FAT3: variants seen among roughly 807,000 people sequenced by gnomAD.
The protein encoded by FAT3 is FAT atypical cadherin 3, also known as protocadherin Fat 3.
In FAT3, 95 loss-of-function variants were observed where a neutral mutation model predicts 310.2. The ratio of observed to expected loss-of-function variants is 0.31; its 90% CI spans 0.26 to 0.36. The LOEUF (loss-of-function observed/expected upper bound fraction) is 0.36, where lower values mean the gene tolerates loss of function less well. FAT3 is among the 10% of genes least tolerant of loss of function. The probability of loss-of-function intolerance (pLI) is 1.00; values close to 1 mark genes in which losing one functional copy is unlikely to be tolerated. For synonymous variants in FAT3, 2,314 were observed against 2,192.9 expected, an observed-to-expected ratio of 1.06 and a Z score of -1.54; for missense variants, 5,408 against 5,715.6, an observed-to-expected ratio of 0.95 and a Z score of 1.74.
At chr11:92,720,624 T>A (rs1165393508) in intron 4 of FAT3, among the ~76,000 whole-genome samples, 1 of 152,212 alleles carries the variant, frequency 6.6e-6, no homozygotes, top group Admixed American at 6.5e-5. Context: ...TTTCTAACAC[T>A]TTTAGAAATG....
At chr11:92,694,510 C>T (rs1943883728) in intron 3 of FAT3, among the ~76,000 whole-genome samples, 1 of 152,134 alleles carries the variant, frequency 6.6e-6, no homozygotes, top group African/African-American at 2.4e-5. Flanking sequence ...GTGAAGGGGA[C>T]CCTGCAGCTC....
chr11:92,635,021 G>C (rs575998967), intron 3 of FAT3, among the ~76,000 whole-genome samples: 1 of 152,122 alleles, frequency 6.6e-6, no homozygotes, highest in Non-Finnish European at 1.5e-5. Context: ...ATTAGAAACT[G>C]GCCATGCTGA....
intron 2 of FAT3, among the ~76,000 whole-genome samples, chr11:92,523,632 T>G (rs1428592564): frequency 3.9e-5 from 6 of 152,158 alleles, no homozygotes; most frequent in African/African-American, 1.4e-4. Flanking sequence ...TCTTGACTCT[T>G]TTCACAATGT....
At chr11:92,573,799 C>T (rs1938318313) in intron 3 of FAT3, among the ~76,000 whole-genome samples, 1 of 152,070 alleles carries the variant, frequency 6.6e-6, no homozygotes, top group African/African-American at 2.4e-5. Context: ...ACCAAACCTG[C>T]CAACACCTTG....
intron 7 of FAT3, among the ~76,000 whole-genome samples, chr11:92,788,234 A>G (rs1002150350): frequency 2.0e-5 from 3 of 152,188 alleles, no homozygotes; most frequent in African/African-American, 7.2e-5. Flanking sequence ...ACTAACTGGA[A>G]GAGGCTCCTA....
chr11:92,646,843 T>A (rs1195671278), intron 3 of FAT3, among the ~76,000 whole-genome samples: 1 of 152,198 alleles, frequency 6.6e-6, no homozygotes, highest in Admixed American at 6.5e-5. Context: ...ACATTAGTGA[T>A]AAAAGGACAT....
Position 92,352,335 on chromosome 11 carries a change from CT to C in FAT3, c.224del (p.Leu75HisfsTer9), listed in dbSNP as rs1364953580. 1 of 1,574,448 alleles carries C rather than the reference CT, an allele frequency of 6.4e-7. No homozygotes were observed. The highest frequency in any genetic ancestry group is 1.3e-5 in the African/African-American group (1 of 74,152). On this transcript the variant is annotated frameshift_variant, in exon 2 of 28. Transcript: ENST00000525166. LOFTEE classifies it high-confidence loss of function. The stretch of plus-strand genomic sequence containing the variant: ...TAGAATGGGCATCACCTTAATAGAT[CT>C]ATCCTGGGATATCAAATACAGAATA... ...QSRMGITLID[L>X]SWDIKYRIVS...
chr11:92,738,971 C>G (rs1230607443), intron 4 of FAT3, among the ~76,000 whole-genome samples: 1 of 152,142 alleles, frequency 6.6e-6, no homozygotes, highest in Non-Finnish European at 1.5e-5. Flanking sequence ...ACTGAAGACT[C>G]AGAACATGAT....
Position 92,891,018 on chromosome 11 carries a change from G to A in FAT3, c.13675G>A (p.Glu4559Lys), listed in dbSNP as rs767927503. 2.0e-5 allele frequency: 33 copies of A among 1,613,728 alleles called. No homozygotes were observed. Among genetic ancestry groups the A allele is most frequent in the African/African-American group, 1.5e-4 (11 of 74,902 alleles). The change falls in exon 28 of 28, where the codon GAA (glutamate) becomes AAA (lysine). Residue 4559 changes from glutamate to lysine, a missense_variant. Coordinates refer to ENST00000525166, the MANE Select transcript of FAT3 (RefSeq NM_001367949.2). ...TGCCAACTGCGGCTTTGACGATTCCGAAGTAGCCATGAGTGACTACGAGAG... is the reference window on the plus strand; with the variant it reads ...TGCCAACTGCGGCTTTGACGATTCCAAAGTAGCCATGAGTGACTACGAGAG... ...VSANCGFDDSEVAMSDYESVG... is the reference protein window; with the variant it reads ...VSANCGFDDSKVAMSDYESVG...
At chr11:92,696,105 CTA>C (rs767284294) in intron 3 of FAT3, among the ~76,000 whole-genome samples, 20 of 133,056 alleles carry the variant, frequency 1.5e-4, no homozygotes, top group African/African-American at 4.2e-4. Context: ...TCATTTTTTA[CTA>C]TATATATATA....
chr11:92,525,265 A>C (rs538030671), intron 3 of FAT3, among the ~76,000 whole-genome samples: 19 of 152,226 alleles, frequency 1.2e-4, no homozygotes, highest in African/African-American at 4.3e-4. Context: ...GAAAAGAGTA[A>C]CCTGGCCTCT....
At chr11:92,730,854 T>TA (rs1565547415) in intron 4 of FAT3, among the ~76,000 whole-genome samples, 1 of 152,210 alleles carries the variant, frequency 6.6e-6, no homozygotes, top group African/African-American at 2.4e-5. Flanking sequence ...ATGTAGTTTT[T>TA]AAAATTTTTT....
chr11:92,541,772 A>T (rs933924601), intron 3 of FAT3, among the ~76,000 whole-genome samples: 1 of 152,054 alleles, frequency 6.6e-6, no homozygotes, highest in Admixed American at 6.6e-5. Flanking sequence ...ATGCGATTTG[A>T]TATGTGGGGG....
intron 14 of FAT3, among the ~76,000 whole-genome samples, chr11:92,832,231 G>T (rs971218028): frequency 6.6e-6 from 1 of 152,120 alleles, no homozygotes; most frequent in Admixed American, 6.6e-5. Flanking sequence ...TACTGCTTGG[G>T]ACGTTGAGAT....
chr11:92,810,038 C>G lies in FAT3; in HGVS notation c.9443C>G (p.Ala3148Gly). The G allele has an allele frequency of 6.2e-7, 1 of 1,613,950 alleles. No individual in the cohort carries two copies. The highest frequency in any genetic ancestry group is 8.5e-7 in the Non-Finnish European group (1 of 1,179,830). Residue 3148 changes from alanine to glycine, a missense_variant, in exon 13 of 28, where the codon GCT (alanine) becomes GGT (glycine). Around this residue, in one of 5 missense-constraint regions of FAT3, gnomAD observed 4,588 missense variants for 4,809.8 expected, o/e 0.95. Transcript: ENST00000525166. ...TCVYENTATK[A>G]LLTRVQAVDP... ...GTCTATGAGAACACAGCCACCAAGG[C>G]TCTGTTGACCAGAGTTCAAGCCGTG...
chr11:92,464,875 C>T (rs929214755), intron 2 of FAT3, among the ~76,000 whole-genome samples: 5 of 152,144 alleles, frequency 3.3e-5, no homozygotes, highest in African/African-American at 9.7e-5. Flanking sequence ...TTGAGAGGAC[C>T]ATGCCATTTA....
In FAT3 at chr11:92,829,283, C is replaced by T. The variant is rs79012062; in HGVS notation, c.9482-2339C>T. ...TCCCAGCACATGCACTAATGGAAGTCCCTGCATGAATTTCATGCCTGCACT... is the reference window on the plus strand; with the variant it reads ...TCCCAGCACATGCACTAATGGAAGTTCCTGCATGAATTTCATGCCTGCACT... On this transcript the variant is annotated intron_variant, in intron 13 of 27. Coordinates refer to ENST00000525166, the MANE Select transcript of FAT3 (RefSeq NM_001367949.2). Among the ~76,000 whole-genome samples the T allele has an allele frequency of 3.2e-3, 488 of 152,332 alleles. 5 individuals are homozygous for T. The highest frequency in any genetic ancestry group is 0.011 in the African/African-American group (463 of 41,576).
Position 92,891,221 on chromosome 11 carries a change from G to A in FAT3, c.*108G>A, listed in dbSNP as rs1461998765. On this transcript the variant is annotated 3_prime_UTR_variant, in exon 28 of 28. Transcript: ENST00000525166. The stretch of plus-strand genomic sequence containing the variant: ...GTCTGTGGAATGAGAAGGGAATACT[G>A]TATTTTTCCACTAGAAACTTCTTCA... 12 of 1,391,460 alleles carry A rather than the reference G, an allele frequency of 8.6e-6. No homozygotes were observed. The East Asian group carries it at 2.5e-4, about 29-fold the overall frequency. The allele number at this position is 1,391,460 out of a possible 1,614,324, so 86.2% of individuals were successfully genotyped here.
intron 3 of FAT3, among the ~76,000 whole-genome samples, chr11:92,694,824 C>T (rs1943893156): frequency 1.3e-5 from 2 of 152,136 alleles, no homozygotes; most frequent in African/African-American, 4.8e-5. Context: ...AATAGAGGAG[C>T]CCACACACAG....
Sources: gnomAD v4.1 joint callset for allele counts (sites outside exome capture counted in the v4.1 genomes callset) on GRCh38, gnomAD v4.1.1 for gene constraint, gnomAD v4.1.1 regional missense constraint, MANE v1.5 for transcripts, NCBI Gene and HGNC (gene_info 2026-07-23, HGNC 2026-07-21) for gene names.